The following SATL1 variants were observed in gnomAD, a reference collection of about 807,000 sequenced individuals.
SATL1 encodes spermidine/spermine N1-acetyl transferase like 1.
Under a neutral mutation model 51.8 loss-of-function variants are expected in SATL1, and 47 were observed. That is an observed-to-expected ratio of 0.91 (90% confidence interval 0.72 to 1.16). The LOEUF is 1.16. Ranked by LOEUF, SATL1 falls within the 50% of genes most tolerant of loss-of-function variation. The probability of loss-of-function intolerance (pLI) is 0.00; values close to 1 mark genes in which losing one functional copy is unlikely to be tolerated. For synonymous variants in SATL1, 176 were observed against 182.4 expected, an observed-to-expected ratio of 0.97 and a Z score of 0.28; for missense variants, 520 against 526.4, an observed-to-expected ratio of 0.99 and a Z score of 0.12.
chrX:85,120,903 C>T (rs1326959771), intron 2 of SATL1, among the ~76,000 whole-genome samples: 1 of 111,377 alleles, frequency 9.0e-6, no homozygotes, highest in African/African-American at 3.3e-5. Flanking sequence ...TTGTAATGGC[C>T]TTCAGTTGGC....
intron 2 of SATL1, among the ~76,000 whole-genome samples, chrX:85,144,026 G>T (rs1033343368): frequency 1.8e-5 from 2 of 111,746 alleles, no homozygotes; most frequent in Non-Finnish European, 3.8e-5. Context: ...TAAAATCTTT[G>T]CCAAGCCAAG....
intron 4 of SATL1, among the ~76,000 whole-genome samples, chrX:85,099,617 C>A (rs1212609584): frequency 9.0e-6 from 1 of 111,459 alleles, no homozygotes; most frequent in Non-Finnish European, 1.9e-5. Flanking sequence ...TTTAATACAT[C>A]ATATTAATGA....
chrX:85,233,235 C>T (rs1185398214), intron 1 of SATL1, among the ~76,000 whole-genome samples: 1 of 112,129 alleles, frequency 8.9e-6, no homozygotes, highest in African/African-American at 3.2e-5. Context: ...TGGGGTGTCT[C>T]CTAATGAAGA....
chrX:85,226,868 C>A (rs1928285193), intron 1 of SATL1, among the ~76,000 whole-genome samples: 1 of 111,125 alleles, frequency 9.0e-6, no homozygotes, highest in Non-Finnish European at 1.9e-5. Context: ...AATTCTTCAA[C>A]CTTTATAAGA....
intron 2 of SATL1, among the ~76,000 whole-genome samples, chrX:85,153,226 A>C (rs1602874378): frequency 9.0e-6 from 1 of 110,533 alleles, no homozygotes; most frequent in East Asian, 2.8e-4. Context: ...ATCTTTTCAT[A>C]TTTCTTCTTG....
At chrX:85,150,130 G>A (rs777983990) in intron 2 of SATL1, among the ~76,000 whole-genome samples, 1 of 110,913 alleles carries the variant, frequency 9.0e-6, no homozygotes, top group Non-Finnish European at 1.9e-5. Flanking sequence ...TGATAAAGGG[G>A]ATATCACCAC....
intron 2 of SATL1, among the ~76,000 whole-genome samples, chrX:85,167,165 G>A (rs182630920): frequency 6.5e-5 from 7 of 107,382 alleles, no homozygotes; most frequent in African/African-American, 2.0e-4. Context: ...AACATCATAT[G>A]TTCTCACTTG....
At chrX:85,206,044 A>G (rs1377441414) in intron 2 of SATL1, among the ~76,000 whole-genome samples, 3 of 111,903 alleles carry the variant, frequency 2.7e-5, no homozygotes, top group Non-Finnish European at 5.6e-5. Context: ...GGTAAGGAAC[A>G]TGGGAGGCAG....
At chrX:85,127,953 T>C (rs989490998) in intron 2 of SATL1, among the ~76,000 whole-genome samples, 1 of 107,699 alleles carries the variant, frequency 9.3e-6, no homozygotes, top group African/African-American at 3.5e-5. Flanking sequence ...GTTTCATCCA[T>C]GGCGCTACAA....
intron 4 of SATL1, among the ~76,000 whole-genome samples, chrX:85,095,852 A>T (rs1004408599): frequency 1.1e-4 from 10 of 94,069 alleles, no homozygotes; most frequent in East Asian, 6.9e-4. Context: ...AAAAAAAAAA[A>T]AGATGGAGAG....
intron 2 of SATL1, among the ~76,000 whole-genome samples, chrX:85,167,943 G>A (rs921652147): frequency 1.8e-5 from 2 of 110,240 alleles, no homozygotes; most frequent in African/African-American, 3.3e-5. Flanking sequence ...GATCAAGTAC[G>A]CTTTATCCCT....
chrX:85,223,308 G>A (rs185183027), intron 2 of SATL1, among the ~76,000 whole-genome samples: 2 of 111,564 alleles, frequency 1.8e-5, no homozygotes, highest in East Asian at 5.6e-4. Flanking sequence ...AGACTTGGTA[G>A]TGTTGGGTAA....
At chrX:85,132,847 C>G (rs191442786) in intron 2 of SATL1, among the ~76,000 whole-genome samples, 45 of 111,830 alleles carry the variant, frequency 4.0e-4, no homozygotes, top group African/African-American at 1.4e-3. Context: ...GTGTGGATGT[C>G]CTTTTTGTTG....
chrX:85,190,839 C>A (rs938719553), intron 2 of SATL1, among the ~76,000 whole-genome samples: 6 of 109,676 alleles, frequency 5.5e-5, no homozygotes, highest in Admixed American at 9.9e-5. Context: ...AAACTGGAAA[C>A]CATCATTCTC....
At chrX:85,106,205 G>A (rs1371581450) in intron 3 of SATL1, among the ~76,000 whole-genome samples, 1 of 111,851 alleles carries the variant, frequency 8.9e-6, no homozygotes, top group African/African-American at 3.2e-5. Context: ...AATCTCTTGG[G>A]CATAGTATTT....
chrX:85,147,314 T>A (rs1292900603), intron 2 of SATL1, among the ~76,000 whole-genome samples: 1 of 111,409 alleles, frequency 9.0e-6, no homozygotes, highest in Non-Finnish European at 1.9e-5. Flanking sequence ...ACAAAGCAGC[T>A]GGGAAGCTCC....
chrX:85,096,847 C>T (rs1924736221), intron 4 of SATL1, among the ~76,000 whole-genome samples: 1 of 93,696 alleles, frequency 1.1e-5, no homozygotes, highest in South Asian at 6.6e-4. Context: ...CAAACACCCC[C>T]CACCCCAGCC....
At chrX:85,214,142 T>A (rs1444674287) in intron 2 of SATL1, among the ~76,000 whole-genome samples, 1 of 111,889 alleles carries the variant, frequency 8.9e-6, no homozygotes, top group African/African-American at 3.3e-5. Flanking sequence ...TGGGGCTGAG[T>A]AATTTATAAA....
Position 85,092,369 on chromosome X carries a change from A to T in SATL1, c.*22T>A. The T allele has an allele frequency of 1.7e-6, 2 of 1,155,386 alleles. No individual in the cohort carries two copies. The highest frequency in any genetic ancestry group is 2.3e-6 in the Non-Finnish European group (2 of 867,652). On this transcript the variant is annotated 3_prime_UTR_variant, in exon 8 of 8. Coordinates refer to ENST00000644105, the MANE Select transcript of SATL1 (RefSeq NM_001367857.2). ...GTCAAATGTTGGAGGCTGTGTTGGG[A>T]TGAGTTGTTACAAAGCCTCTTTCAT...
Sources: gnomAD v4.1 joint callset for allele counts (sites outside exome capture counted in the v4.1 genomes callset) on GRCh38, gnomAD v4.1.1 for gene constraint, MANE v1.5 for transcripts, NCBI Gene and HGNC (gene_info 2026-07-23, HGNC 2026-07-21) for gene names.